Variants in VWDE observed in about 807,000 individuals in gnomAD.
VWDE encodes the protein von Willebrand factor D and EGF domain-containing protein.
Under a neutral mutation model 178.4 loss-of-function variants are expected in VWDE, and 207 were observed. That is an observed-to-expected ratio of 1.16 (90% CI 1.04 to 1.30). VWDE has a LOEUF of 1.30. Ranked by LOEUF, VWDE falls within the 50% of genes most tolerant of loss-of-function variation. The pLI, the probability that VWDE is intolerant of heterozygous loss-of-function variation, is 0.00. For missense variants in VWDE, 2,287 were observed against 1,901.3 expected (o/e 1.20, Z -3.77); for synonymous variants, 738 against 651.4 (o/e 1.13, Z -2.02).
At chr7:12,391,761 A>T (rs1042221493) in intron 2 of VWDE, among the ~76,000 whole-genome samples, 1 of 152,222 alleles carries the variant, frequency 6.6e-6, no homozygotes, top group African/African-American at 2.4e-5. Context: ...ATTAGTGCTT[A>T]AAAAGGAAAA....
intron 1 of VWDE, among the ~76,000 whole-genome samples, chr7:12,402,401 T>C (rs1164817192): frequency 5.3e-5 from 8 of 152,226 alleles, no homozygotes; most frequent in African/African-American, 1.7e-4. Context: ...CCTCGTCTTC[T>C]AGTTTTACTC....
At position 12,357,283 on chromosome 7, in the gene VWDE, T is replaced by G; in HGVS notation, c.3507A>C (p.Glu1169Asp). 6.4e-7 allele frequency: 1 copy of G among 1,552,278 alleles called. No individual in the cohort carries two copies. The highest frequency in any genetic ancestry group is 8.7e-7 in the Non-Finnish European group (1 of 1,147,082). Residue 1169 changes from glutamate (E) to aspartate (D), a missense_variant, in exon 17 of 29, where the codon GAA becomes GAC. Transcript: ENST00000275358. ...TVRLNDDCDA[E>D]TRVTIEVTVK... is the part of the protein sequence containing the mutation. ...AGATTACCTCAATCGTGACTCTAGT[T>G]TCAGCATCGCAGTCATCATTAAGGC... is the stretch of plus-strand genomic sequence containing the variant.
At chr7:12,387,188 T>A (rs556600428) in intron 3 of VWDE, among the ~76,000 whole-genome samples, 1 of 152,280 alleles carries the variant, frequency 6.6e-6, no homozygotes, top group Admixed American at 6.5e-5. Flanking sequence ...TTAGTTTCTA[T>A]AATCATGTAA....
chr7:12,383,805 T>C (rs1783970356), intron 3 of VWDE, among the ~76,000 whole-genome samples: 2 of 152,138 alleles, frequency 1.3e-5, no homozygotes, highest in African/African-American at 4.8e-5. Flanking sequence ...CAATCAAAGC[T>C]TTAATATCTT....
intron 19 of VWDE, among the ~76,000 whole-genome samples, chr7:12,349,962 A>T (rs1781839348): frequency 6.6e-6 from 1 of 152,110 alleles, no homozygotes; most frequent in South Asian, 2.1e-4. Context: ...AATTGACTCA[A>T]GAGGAGGCAC....
intron 2 of VWDE, among the ~76,000 whole-genome samples, chr7:12,392,018 T>C (rs1040216228): frequency 2.4e-4 from 36 of 152,196 alleles, no homozygotes; most frequent in African/African-American, 7.7e-4. Context: ...CAGACATATG[T>C]CTTCAATAAT....
chr7:12,371,054 G>T (rs1783171814), intron 10 of VWDE, among the ~76,000 whole-genome samples, 190 bp from the exon 11 acceptor site: 1 of 151,890 alleles, frequency 6.6e-6, no homozygotes, highest in South Asian at 2.1e-4. Flanking sequence ...TTTGCATTTT[G>T]CTGACCTGAA....
intron 9 of VWDE, among the ~76,000 whole-genome samples, chr7:12,374,295 G>A (rs1264840582): frequency 6.6e-6 from 1 of 151,868 alleles, no homozygotes; most frequent in Non-Finnish European, 1.5e-5. Context: ...GGAGTAATTA[G>A]TTTTAAAAAT....
At chr7:12,356,375 T>G in intron 17 of VWDE, 45 bp from the exon 18 acceptor site, 2 of 1,485,150 alleles carry the variant, frequency 1.3e-6, no homozygotes, top group Non-Finnish European at 1.8e-6. Flanking sequence ...TCAATAAAAT[T>G]ATCTTCAGTT....
chr7:12,345,685 T>C (rs1781562935), intron 19 of VWDE, among the ~76,000 whole-genome samples: 1 of 152,166 alleles, frequency 6.6e-6, no homozygotes, highest in South Asian at 2.1e-4. Flanking sequence ...CCATGGGTGT[T>C]GTTTGGGTTC....
At chr7:12,378,150 C>A (rs4721094) in intron 6 of VWDE, among the ~76,000 whole-genome samples, 20,713 of 152,056 alleles carry the variant, frequency 0.14, 1,619 homozygotes, top group South Asian at 0.2. Flanking sequence ...ACTTTGGTTC[C>A]CCAACACATT....
At chr7:12,398,382 A>G (rs949829201) in intron 1 of VWDE, among the ~76,000 whole-genome samples, 1 of 152,170 alleles carries the variant, frequency 6.6e-6, no homozygotes, top group Non-Finnish European at 1.5e-5. Context: ...TTACCAGATT[A>G]CCACATCTGG....
rs949221561 is a variant in VWDE, at chr7:12,383,565, T to C, written c.512A>G (p.Asp171Gly). 1 of 1,550,468 alleles carries C rather than the reference T, an allele frequency of 6.4e-7. No individual in the cohort carries two copies. The highest frequency in any genetic ancestry group is 1.4e-5 in the African/African-American group (1 of 72,990). ...SDARLHPCGS[D>G]ETETGGDCVR... ...ACAATCACCTCCTGTTTCAGTTTCA[T>C]CAGAACCACATGGGTGTAATCGTGC... Residue 171 changes from aspartate to glycine, a missense_variant, in exon 4 of 29, where the codon GAT becomes GGT. By Grantham distance (94) the Asp-to-Gly change is moderately conservative (BLOSUM62 -1). Transcript: ENST00000275358.
chr7:12,352,033 GAGATACCAC>G (rs1311475487), intron 18 of VWDE, among the ~76,000 whole-genome samples: 3 of 152,118 alleles, frequency 2.0e-5, no homozygotes, highest in Non-Finnish European at 4.4e-5. Flanking sequence ...AAAACAGGAA[GAGATACCAC>G]ACATGCAGGG....
intron 28 of VWDE, among the ~76,000 whole-genome samples, chr7:12,332,834 T>A (rs1780800182): frequency 6.6e-6 from 1 of 152,178 alleles, no homozygotes; most frequent in African/African-American, 2.4e-5. Flanking sequence ...AGTTGTCAAA[T>A]TCTGGTACTC....
chr7:12,374,593 A>C, intron 9 of VWDE, 96 bp downstream of exon 9: 2 of 820,106 alleles, frequency 2.4e-6, no homozygotes, highest in Non-Finnish European at 3.8e-6. Flanking sequence ...TTCAGTGACT[A>C]GGACTAAAAA....
At chr7:12,335,587 C>G (rs1393304599) in intron 27 of VWDE, among the ~76,000 whole-genome samples, 1 of 152,090 alleles carries the variant, frequency 6.6e-6, no homozygotes, top group Non-Finnish European at 1.5e-5. Flanking sequence ...TCCTGAGTAG[C>G]TGGGACTACA....
chr7:12,376,086 G>T (rs983366430), intron 7 of VWDE, among the ~76,000 whole-genome samples: 45 of 151,944 alleles, frequency 3.0e-4, no homozygotes, highest in African/African-American at 1.1e-3. Flanking sequence ...TCAGATATAG[G>T]CATACTGAAC....
Position 12,380,634 on chromosome 7 carries a change from A to G in VWDE, c.641T>C (p.Val214Ala), listed in dbSNP as rs1259692389. Residue 214 changes from valine (V) to alanine (A), a missense_variant, in exon 5 of 29, where the codon GTT becomes GCT. Val to Ala is a moderately conservative substitution (Grantham distance 64). Transcript: ENST00000275358. Reference protein sequence around the residue: ...SRLFCRCSFDVPATKNSVGFH... With the variant: ...SRLFCRCSFDAPATKNSVGFH... Reference sequence around the variant, plus strand: ...TCCCACTGAGTTTTTTGTAGCGGGAACATCAAAAGAACACCTACAGAAAAG... The same window carrying G: ...TCCCACTGAGTTTTTTGTAGCGGGAGCATCAAAAGAACACCTACAGAAAAG... 1 of 1,552,282 alleles carries G rather than the reference A, an allele frequency of 6.4e-7. No homozygotes were observed. The highest frequency in any genetic ancestry group is 2.0e-5 in the Admixed American group (1 of 51,008).
Sources: allele counts gnomAD v4.1 joint callset (sites outside exome capture counted in the v4.1 genomes callset), GRCh38; gene constraint gnomAD v4.1.1; transcripts MANE v1.5; gene names NCBI Gene and HGNC (gene_info 2026-07-23, HGNC 2026-07-21).